Variants in CD300LG observed in about 807,000 individuals in gnomAD.
CD300LG encodes the protein CD300 molecule like family member g, also known as CMRF35-like molecule 9.
Under a neutral mutation model 31.5 loss-of-function variants are expected in CD300LG, and 29 were observed. The ratio of observed to expected loss-of-function variants is 0.92; its 90% CI spans 0.68 to 1.25. CD300LG has a LOEUF of 1.25. CD300LG is among the 50% of genes most tolerant of loss of function. CD300LG has a pLI of 0.00. For synonymous variants in CD300LG, 175 were observed against 177.2 expected, an observed-to-expected ratio of 0.99 and a Z score of 0.10; for missense variants, 396 against 417.6, an observed-to-expected ratio of 0.95 and a Z score of 0.45.
chr17:43,850,098 C>T (rs1263592829), intron 2 of CD300LG, among the ~76,000 whole-genome samples: 1 of 152,186 alleles, frequency 6.6e-6, no homozygotes, highest in African/African-American at 2.4e-5. Context: ...CGTCCTATAT[C>T]GGACTCTATT....
chr17:43,852,633 T>G (rs902217979), intron 2 of CD300LG, among the ~76,000 whole-genome samples: 2 of 152,158 alleles, frequency 1.3e-5, no homozygotes, highest in African/African-American at 4.8e-5. Flanking sequence ...ACACAGACTT[T>G]TGAGACAAAA....
chr17:43,856,959 T>G, intron 5 of CD300LG, 145 bp from the exon 6 acceptor site: 1 of 718,738 alleles, frequency 1.4e-6, no homozygotes, highest in Non-Finnish European at 2.5e-6. Flanking sequence ...TGGAAGGGGC[T>G]CCTCTGCCCA....
intron 2 of CD300LG, 70 bp from the exon 3 acceptor site, chr17:43,852,842 C>T: frequency 7.8e-7 from 1 of 1,285,294 alleles, no homozygotes; most frequent in South Asian, 1.4e-5. Flanking sequence ...AAACTGCCAG[C>T]TGCTCCCAAG....
chr17:43,855,361 G>A, intron 5 of CD300LG, 42 bp downstream of exon 5: 1 of 1,265,040 alleles, frequency 7.9e-7, no homozygotes, highest in Non-Finnish European at 1.1e-6. Context: ...GGCTCACTGG[G>A]CCAGGGACCT....
At chr17:43,857,555 C>A in intron 6 of CD300LG, 2 of 1,371,804 alleles carry the variant, frequency 1.5e-6, no homozygotes, top group Non-Finnish European at 2.0e-6. Context: ...CCTTTCAGAA[C>A]GCCCAGGGGT....
Position 43,851,212 on chromosome 17 carries a change from GA to G in CD300LG, c.380-1699del, listed in dbSNP as rs937512457. ...AGATAAATACTCTGTATTTGCAAAA[GA>G]TTTGATCATCTACTTAGAAAAATCC... On this transcript the variant is annotated intron_variant, in intron 2 of 6. Transcript: ENST00000317310. 3.7e-4 allele frequency among the ~76,000 whole-genome samples: 54 copies of G among 147,742 alleles called. 1 individual carries two copies. Among genetic ancestry groups the G allele is most frequent in the Admixed American group, 2.2e-3 (33 of 14,870 alleles).
intron 6 of CD300LG, among the ~76,000 whole-genome samples, chr17:43,859,147 A>G (rs1199570302): frequency 6.6e-6 from 1 of 152,118 alleles, no homozygotes; most frequent in Non-Finnish European, 1.5e-5. Flanking sequence ...ACCCCGCTGC[A>G]CTGAAGTACA....
rs768136580 is a variant in CD300LG, at chr17:43,848,711, A to G, written c.197A>G (p.Tyr66Cys). 3.7e-6 allele frequency: 6 copies of G among 1,614,000 alleles called. No individual in the cohort carries two copies. The highest frequency in any genetic ancestry group is 1.6e-4 in the Middle Eastern group (1 of 6,084). ...ILFSRCSGTI[Y>C]AEEEGQETMK... ...TTCTCTCGCTGCTCTGGCACCATCT[A>G]TGCAGAAGAAGAAGGCCAGGAGACA... Residue 66 changes from tyrosine (Y) to cysteine (C), a missense_variant, in exon 2 of 7, where the codon TAT (tyrosine) becomes TGT (cysteine). Coordinates refer to ENST00000317310, the MANE Select transcript of CD300LG (RefSeq NM_145273.4).
chr17:43,855,139 ACC>A, intron 4 of CD300LG, 66 bp from the exon 5 acceptor site: 1 of 882,948 alleles, frequency 1.1e-6, no homozygotes, highest in South Asian at 1.9e-5. Flanking sequence ...TGTGCCTGGG[ACC>A]CCCAAAGGAC....
chr17:43,848,131 A>G (rs2046237883), intron 1 of CD300LG, among the ~76,000 whole-genome samples: 1 of 151,978 alleles, frequency 6.6e-6, no homozygotes, highest in African/African-American at 2.4e-5. Context: ...AGTCCCAGGT[A>G]CTCAGGAGGC....
chr17:43,849,959 T>G (rs1418312599), intron 2 of CD300LG: 1 of 152,224 alleles, frequency 6.6e-6, no homozygotes, highest in Non-Finnish European at 1.5e-5. Context: ...CAAGATTCTC[T>G]TATCTCTTCC....
At chr17:43,851,653 T>C (rs2046360278) in intron 2 of CD300LG, among the ~76,000 whole-genome samples, 1 of 148,072 alleles carries the variant, frequency 6.8e-6, no homozygotes, top group African/African-American at 2.5e-5. Context: ...TTTTTTTTTT[T>C]TTTTTTTTTT....
rs1201926731 is a variant in CD300LG, at chr17:43,863,462, A to T, written c.*1551A>T. 6.6e-6 allele frequency: 1 copy of T among 152,016 alleles called. No individual in the cohort carries two copies. The highest frequency in any genetic ancestry group is 6.6e-5 in the Admixed American group (1 of 15,260). 9.4% of individuals were successfully genotyped at this position (152,016 alleles called of 1,614,324 possible). A position where few individuals can be genotyped will look rare whatever the true frequency, so the allele number is the denominator to read the frequency against. On this transcript the variant is annotated 3_prime_UTR_variant, in exon 7 of 7. Transcript: ENST00000317310. ...ATTTCGTTTTGTTGTACTTCCTTCC[A>T]CTCTTTTCTTCTTCACATAATTTGC...
rs2046685712 is a variant in CD300LG at position 43,863,602 on chromosome 17, T to G, written c.*1691T>G. ...CTTCTCTGTGTTTTACAGACCTTTT[T>G]ATAAATAAAATGTTCATCAGCTGCA... On this transcript the variant is annotated 3_prime_UTR_variant, in exon 7 of 7. Transcript: ENST00000317310. The G allele has an allele frequency of 6.6e-6, 1 of 152,202 alleles. No homozygotes were observed. The highest frequency in any genetic ancestry group is 1.5e-5 in the Non-Finnish European group (1 of 68,032). The allele number at this position is 152,202 out of a possible 1,614,324, so 9.4% of individuals were successfully genotyped here. A position where few individuals can be genotyped will look rare whatever the true frequency, so the allele number is the denominator to read the frequency against.
At chr17:43,851,066 G>A (rs537817716) in intron 2 of CD300LG, among the ~76,000 whole-genome samples, 5 of 150,412 alleles carry the variant, frequency 3.3e-5, no homozygotes, top group Non-Finnish European at 7.4e-5. Flanking sequence ...CCCGGGAGGC[G>A]GAGGTTGCAG....
At chr17:43,859,681 G>C (rs934158524) in intron 6 of CD300LG, among the ~76,000 whole-genome samples, 3 of 152,170 alleles carry the variant, frequency 2.0e-5, no homozygotes, top group African/African-American at 7.2e-5. Flanking sequence ...TGTAGCCCCA[G>C]GTCTGCCCTG....
At position 43,848,621 on chromosome 17, in the gene CD300LG, A is replaced by G. The variant is rs761580079; in HGVS notation, c.107A>G (p.Gln36Arg). ...SGFEGDTVSL[Q>R]CTYREELRDH... Reference sequence around the variant, plus strand: ...TTCGAAGGGGACACTGTGTCCCTGCAGTGCACCTACAGGGAAGAGCTGAGG... The same window carrying G: ...TTCGAAGGGGACACTGTGTCCCTGCGGTGCACCTACAGGGAAGAGCTGAGG... Residue 36 changes from glutamine (Q) to arginine (R), a missense_variant, in exon 2 of 7, where the codon CAG becomes CGG. Coordinates refer to ENST00000317310, the MANE Select transcript of CD300LG (RefSeq NM_145273.4). The G allele has an allele frequency of 1.9e-6, 3 of 1,614,178 alleles. No homozygotes were observed. Among genetic ancestry groups the G allele is most frequent in the South Asian group, 1.1e-5 (1 of 91,088 alleles).
Position 43,862,795 on chromosome 17 carries a change from C to CATGCCTT in CD300LG, c.*884_*885insATGCCTT, listed in dbSNP as rs1484318920. On this transcript the variant is annotated 3_prime_UTR_variant, in exon 7 of 7. Coordinates refer to ENST00000317310, the MANE Select transcript of CD300LG (RefSeq NM_145273.4). ...TGCCCTCCCTGGCCATGCCTTCTTGCCTTTGGAAAAATGATGAAGAAAACC... is the reference window on the plus strand; with the variant it reads ...TGCCCTCCCTGGCCATGCCTTCTTGCATGCCTTCTTTGGAAAAATGATGAAGAAAACC... 1 of 152,294 alleles carries CATGCCTT rather than the reference C, an allele frequency of 6.6e-6. No homozygotes were observed. Among genetic ancestry groups the CATGCCTT allele is most frequent in the East Asian group, 1.9e-4 (1 of 5,204 alleles). 9.4% of individuals were successfully genotyped at this position (152,294 alleles called of 1,614,324 possible).
chr17:43,851,479 G>GA (rs1191829196), intron 2 of CD300LG, among the ~76,000 whole-genome samples: 1 of 152,044 alleles, frequency 6.6e-6, no homozygotes, highest in African/African-American at 2.4e-5. Flanking sequence ...TCAATCTGTA[G>GA]AAGAGAAAGT....
Sources: gnomAD v4.1 joint callset for allele counts (sites outside exome capture counted in the v4.1 genomes callset) on GRCh38, gnomAD v4.1.1 for gene constraint, MANE v1.5 for transcripts, NCBI Gene and HGNC (gene_info 2026-07-23, HGNC 2026-07-21) for gene names.